METRN: variants seen among roughly 807,000 people sequenced by gnomAD.
The protein encoded by METRN is meteorin.
METRN carries 17 observed loss-of-function variants against 17.4 expected under a neutral mutation model. That is an observed-to-expected ratio of 0.98 (90% CI 0.67 to 1.46). The LOEUF (loss-of-function observed/expected upper bound fraction) is 1.46. METRN is among the 40% of genes most tolerant of loss of function. The pLI, the probability that METRN is intolerant of heterozygous loss-of-function variation, is 0.00. For missense variants in METRN, 489 were observed against 456.2 expected (o/e 1.07, Z -0.65); for synonymous variants, 230 against 210.8 (o/e 1.09, Z -0.79).
Position 715,406 on chromosome 16 carries a change from G to T in METRN, c.104+13G>T. 1 of 1,294,844 alleles carries T rather than the reference G, an allele frequency of 7.7e-7. No individual in the cohort carries two copies. Among genetic ancestry groups the T allele is most frequent in the Non-Finnish European group, 9.8e-7 (1 of 1,022,192 alleles). 80.2% of individuals were successfully genotyped at this position (1,294,844 alleles called of 1,614,324 possible). A position where few individuals can be genotyped will look rare whatever the true frequency, so the allele number is the denominator to read the frequency against. On this transcript the variant is annotated intron_variant, in intron 1 of 3. Coordinates refer to ENST00000568223, the MANE Select transcript of METRN (RefSeq NM_024042.4). The stretch of plus-strand genomic sequence containing the variant: ...GCTGGAGGGGCAGGTACGGTCCGGG[G>T]GGCTGTCCCCGCACTTAGGACGGGG...
rs892157802 is a variant in METRN at position 715,823 on chromosome 16, G to A, written c.344G>A (p.Gly115Glu). 1.7e-5 allele frequency: 22 copies of A among 1,270,908 alleles called. No homozygotes were observed. In the African/African-American group the frequency reaches 3.1e-4, roughly 18 times the overall value. 78.7% of individuals were successfully genotyped at this position (1,270,908 alleles called of 1,614,324 possible). The change falls in exon 2 of 4, where the codon GGG (glycine) becomes GAG (glutamate). Residue 115 changes from glycine to glutamate, a missense_variant. Physicochemically the swap from Gly to Glu is moderately conservative, Grantham distance 98. Transcript: ENST00000568223. ...CTGGCCGAGGGCCCGGGCCCGGCAG[G>A]GGGCCGCTGCGTGCGCTGGGGTCCC... ...LLLAEGPGPA[G>E]GRCVRWGPRE...
At position 717,464 on chromosome 16, in the gene METRN, G is replaced by C; in HGVS notation, c.*77G>C. ...TTGGAGGTGATGGGACTATCAATAA[G>C]AACTCTGTTCACGCAAGCTGCTGTG... On this transcript the variant is annotated 3_prime_UTR_variant, in exon 4 of 4. Coordinates refer to ENST00000568223, the MANE Select transcript of METRN (RefSeq NM_024042.4). 7.7e-7 allele frequency: 1 copy of C among 1,291,722 alleles called. No homozygotes were observed. The highest frequency in any genetic ancestry group is 1.5e-5 in the African/African-American group (1 of 65,710). The allele number at this position is 1,291,722 out of a possible 1,614,324, so 80.0% of individuals were successfully genotyped here.
rs748205977 is a variant in METRN at position 716,977 on chromosome 16, T to C, written c.550T>C (p.Cys184Arg). ...CGACGCTGAGCTGCTCCTGGCCGCA[T>C]GCACCAGCGACTTCGGTGAGTGTCC... ...CSDAELLLAA[C>R]TSDFVIHGII... is the part of the protein sequence containing the mutation. Residue 184 changes from cysteine to arginine, a missense_variant, in exon 3 of 4, where the codon TGC becomes CGC. Coordinates refer to ENST00000568223, the MANE Select transcript of METRN (RefSeq NM_024042.4). 2.5e-6 allele frequency: 4 copies of C among 1,603,380 alleles called. No individual in the cohort carries two copies. In the South Asian group the frequency reaches 4.4e-5, roughly 18 times the overall value.
rs2040156905 is a variant in METRN at position 715,852 on chromosome 16, G to A, written c.373G>A (p.Glu125Lys). ...CCGCTGCGTGCGCTGGGGTCCCCGC[G>A]AGCGCCGGGCCCTCTTCCTGCAGGC... Reference protein sequence around the residue: ...GGRCVRWGPRERRALFLQATP... With the variant: ...GGRCVRWGPRKRRALFLQATP... Residue 125 changes from glutamate (E) to lysine (K), a missense_variant, in exon 2 of 4, where the codon GAG becomes AAG. Transcript: ENST00000568223. 7.5e-6 allele frequency: 10 copies of A among 1,326,316 alleles called. No individual in the cohort carries two copies. Among genetic ancestry groups the A allele is most frequent in the Non-Finnish European group, 9.6e-6 (10 of 1,042,044 alleles). 82.2% of individuals were successfully genotyped at this position (1,326,316 alleles called of 1,614,324 possible).
rs533845157 is a variant in METRN, at chr16:719,354, G to C, written c.*1967G>C. ...GGTGGCCAAAGTGGCATGGGAGATA[G>C]GGAGACAGTGTGGGTGAGCAGGTGG... On this transcript the variant is annotated 3_prime_UTR_variant, in exon 4 of 4. Transcript: ENST00000568223. 6.6e-6 allele frequency: 1 copy of C among 152,544 alleles called. No individual in the cohort carries two copies. The highest frequency in any genetic ancestry group is 1.9e-4 in the East Asian group (1 of 5,194). The allele number at this position is 152,544 out of a possible 1,614,324, so 9.4% of individuals were successfully genotyped here. A position where few individuals can be genotyped will look rare whatever the true frequency, so the allele number is the denominator to read the frequency against.
chr16:715,394 G>C lies in METRN; in HGVS notation c.104+1G>C. 7.6e-7 allele frequency: 1 copy of C among 1,317,154 alleles called. No individual in the cohort carries two copies. The highest frequency in any genetic ancestry group is 9.7e-7 in the Non-Finnish European group (1 of 1,035,580). The allele number at this position is 1,317,154 out of a possible 1,614,324, so 81.6% of individuals were successfully genotyped here. A position where few individuals can be genotyped will look rare whatever the true frequency, so the allele number is the denominator to read the frequency against. On this transcript the variant is annotated splice_donor_variant, in intron 1 of 3. Coordinates refer to ENST00000568223, the MANE Select transcript of METRN (RefSeq NM_024042.4). LOFTEE classifies it high-confidence loss of function. ...AGGAGCGCTGCAGCTGGAGGGGCAGGTACGGTCCGGGGGGCTGTCCCCGCA... is the reference window on the plus strand; with the variant it reads ...AGGAGCGCTGCAGCTGGAGGGGCAGCTACGGTCCGGGGGGCTGTCCCCGCA...
intron 2 of METRN, chr16:716,458 G>C: frequency 6.9e-7 from 1 of 1,440,402 alleles, no homozygotes; most frequent in Admixed American, 2.8e-5. Flanking sequence ...GGAGCTTGGC[G>C]CCTGACCCTG....
chr16:716,769 A>T, intron 2 of METRN, 164 bp from the exon 3 acceptor site: 1 of 1,533,520 alleles, frequency 6.5e-7, no homozygotes, highest in Non-Finnish European at 8.7e-7. Flanking sequence ...GGGCGTGCAC[A>T]TCTGCTGTGT....
At chr16:715,533 C>G in intron 1 of METRN, 51 bp from the exon 2 acceptor site, 2 of 1,287,296 alleles carry the variant, frequency 1.6e-6, no homozygotes, top group Non-Finnish European at 9.8e-7. Context: ...GGGGGCTGCG[C>G]CGGGCGGGGA....
chr16:716,090 G>C (rs2040159889), intron 2 of METRN, 106 bp downstream of exon 2: 1 of 1,336,592 alleles, frequency 7.5e-7, no homozygotes, highest in African/African-American at 1.5e-5. Context: ...GAAAAAGTGA[G>C]CTACAAGGGT....
At chr16:716,709 C>T (rs773459983) in intron 2 of METRN, 15 of 1,535,460 alleles carry the variant, frequency 9.8e-6, no homozygotes, top group South Asian at 1.2e-5. Context: ...GCATTCCTGC[C>T]TTGGAGGTAC....
In METRN at chr16:717,076, C is replaced by T. The variant is rs143781085; in HGVS notation, c.571C>T (p.His191Tyr). ...AGCCACATGCCTCCCCACAGTAATT[C>T]ACGGGATCATCCATGGGGTCACCCA... ...LAACTSDFVI[H>Y]GIIHGVTHDV... Residue 191 changes from histidine (H) to tyrosine (Y), a missense_variant, in exon 4 of 4, where the codon CAC becomes TAC. By Grantham distance (83) the His-to-Tyr change is moderately conservative. Transcript: ENST00000568223. 30 of 1,611,004 alleles carry T rather than the reference C, an allele frequency of 1.9e-5. No homozygotes were observed. Among genetic ancestry groups the T allele is most frequent in the Non-Finnish European group, 2.5e-5 (30 of 1,179,002 alleles).
In METRN at chr16:717,287, A is replaced by G. The variant is rs752458106; in HGVS notation, c.782A>G (p.Glu261Gly). 39 of 1,538,644 alleles carry G rather than the reference A, an allele frequency of 2.5e-5. No individual in the cohort carries two copies. The highest frequency in any genetic ancestry group is 1.7e-4 in the Middle Eastern group (1 of 5,958). ...FLFMGWSRFG[E>G]ARLGCAPRFQ... ...TTCATGGGCTGGAGCCGCTTTGGGG[A>G]GGCCCGGCTGGGCTGTGCCCCACGA... The change falls in exon 4 of 4, where the codon GAG becomes GGG. Residue 261 changes from glutamate to glycine, a missense_variant. Transcript: ENST00000568223.
intron 3 of METRN, 28 bp from the exon 4 acceptor site, chr16:717,043 C>A: frequency 4.3e-6 from 7 of 1,611,694 alleles, no homozygotes; most frequent in Non-Finnish European, 5.9e-6. Context: ...CCCCTGAATG[C>A]CTACCGCAGC....
At chr16:716,284 A>C (rs1159251727) in intron 2 of METRN, 2 of 1,376,166 alleles carry the variant, frequency 1.5e-6, no homozygotes, top group Non-Finnish European at 1.9e-6. Flanking sequence ...TGGGGACAGA[A>C]TCGAAGCCTC....
In METRN at chr16:715,761, C is replaced by T; in HGVS notation, c.282C>T (p.Val94=). The T allele has an allele frequency of 2.4e-6, 3 of 1,268,030 alleles. No individual in the cohort carries two copies. Among genetic ancestry groups the T allele is most frequent in the Non-Finnish European group, 3.0e-6 (3 of 1,010,410 alleles). The allele number at this position is 1,268,030 out of a possible 1,614,324, so 78.5% of individuals were successfully genotyped here. A position where few individuals can be genotyped will look rare whatever the true frequency, so the allele number is the denominator to read the frequency against. Residue 94 remains valine (V), a synonymous_variant, in exon 2 of 4, where the codon GTC becomes GTT. Transcript: ENST00000568223. ...RPVRPFAGAQ[V]FAERAGGALE... is the part of the protein sequence containing the mutation. Reference sequence around the variant, plus strand: ...TGCGGCCCTTCGCGGGCGCCCAGGTCTTCGCGGAGCGCGCAGGGGGCGCCC... The same window carrying T: ...TGCGGCCCTTCGCGGGCGCCCAGGTTTTCGCGGAGCGCGCAGGGGGCGCCC...
Position 715,883 on chromosome 16 carries a change from C to A in METRN, c.404C>A (p.Pro135Gln). 6.9e-7 allele frequency: 1 copy of A among 1,443,004 alleles called. No individual in the cohort carries two copies. Among genetic ancestry groups the A allele is most frequent in the South Asian group, 1.4e-5 (1 of 73,010 alleles). The allele number at this position is 1,443,004 out of a possible 1,614,324, so 89.4% of individuals were successfully genotyped here. The change falls in exon 2 of 4, where the codon CCG becomes CAG. Residue 135 changes from proline to glutamine, a missense_variant. Transcript: ENST00000568223. ...ERRALFLQATPHQDISRRVAA... is the reference protein window; with the variant it reads ...ERRALFLQATQHQDISRRVAA... ...CGGGCCCTCTTCCTGCAGGCCACGC[C>A]GCACCAGGACATCAGCCGCCGCGTG...
intron 2 of METRN, chr16:716,729 A>C (rs577768021): frequency 6.5e-7 from 1 of 1,535,434 alleles, no homozygotes; most frequent in African/African-American, 1.4e-5. Flanking sequence ...CGCGCCTGCA[A>C]GTGTGTTTCC....
intron 2 of METRN, chr16:716,257 G>C (rs1343727636): frequency 2.0e-5 from 20 of 985,352 alleles, no homozygotes; most frequent in Non-Finnish European, 2.3e-5. Flanking sequence ...TCCCTGAACG[G>C]TTGGGGGAAG....
Sources: allele counts gnomAD v4.1 joint callset, GRCh38; gene constraint gnomAD v4.1.1; transcripts MANE v1.5; gene names NCBI Gene and HGNC (gene_info 2026-07-23, HGNC 2026-07-21).